Variants in ZFAT observed in about 807,000 individuals in gnomAD.
The protein encoded by ZFAT is zinc finger and AT-hook domain containing, also known as zinc finger protein ZFAT.
ZFAT carries 64 observed loss-of-function variants against 117.7 expected under a neutral mutation model. That is an observed-to-expected ratio of 0.54 (90% CI 0.44 to 0.67). The LOEUF (loss-of-function observed/expected upper bound fraction) is 0.67, where lower values mean the gene tolerates loss of function less well. ZFAT is among the 30% of genes least tolerant of loss of function. The pLI is 0.00. For synonymous variants in ZFAT, 679 were observed against 615.0 expected, an observed-to-expected ratio of 1.10 and a Z score of -1.54; for missense variants, 1,433 against 1,584.5, an observed-to-expected ratio of 0.90 and a Z score of 1.62.
chr8:134,499,721 T>G (rs1818820938), intron 15 of ZFAT, among the ~76,000 whole-genome samples: 1 of 152,260 alleles, frequency 6.6e-6, no homozygotes, highest in Non-Finnish European at 1.5e-5. Flanking sequence ...AGCCCCCTGA[T>G]GCTGACACTG....
chr8:134,510,543 T>G (rs987812824), intron 14 of ZFAT, among the ~76,000 whole-genome samples: 1 of 152,148 alleles, frequency 6.6e-6, no homozygotes, highest in Non-Finnish European at 1.5e-5. Context: ...ACGTGTCTCA[T>G]GCAGAAGGTA....
At chr8:134,533,764 G>A (rs1047042903) in intron 11 of ZFAT, among the ~76,000 whole-genome samples, 4 of 152,148 alleles carry the variant, frequency 2.6e-5, no homozygotes, top group Admixed American at 6.5e-5. Flanking sequence ...ACAATGCTTC[G>A]GAGGCTGCAT....
At chr8:134,819,061 CTA>C in the ZFAT span, among the ~76,000 whole-genome samples, 1 of 152,048 alleles carries the variant, frequency 6.6e-6, no homozygotes. Flanking sequence ...TGTATAACAA[CTA>C]TATGTCAATA....
At chr8:134,579,362 A>T (rs919167643) in intron 10 of ZFAT, among the ~76,000 whole-genome samples, 1 of 152,244 alleles carries the variant, frequency 6.6e-6, no homozygotes, top group African/African-American at 2.4e-5. Flanking sequence ...GAGGCCTCAC[A>T]ATCGTGGTGA....
chr8:134,497,643 T>G lies in ZFAT; in HGVS notation c.3492+11976A>C, dbSNP rs552052143. Among the ~76,000 whole-genome samples the G allele has an allele frequency of 1.1e-4, 5 of 47,518 alleles. 1 individual carries two copies. Among genetic ancestry groups the G allele is most frequent in the African/African-American group, 5.4e-4 (5 of 9,276 alleles). 31.2% of individuals were successfully genotyped at this position (47,518 alleles called of 152,430 possible). ...GGAGCCGTGATGCCCCTGCTGCTGG[T>G]TACACACAGAGCCTGATTTGGTAGG... On this transcript the variant is annotated intron_variant, in intron 15 of 15. Coordinates refer to ENST00000377838, the MANE Select transcript of ZFAT (RefSeq NM_020863.4).
chr8:134,610,923 C>T (rs962753949), intron 3 of ZFAT, among the ~76,000 whole-genome samples: 2 of 152,246 alleles, frequency 1.3e-5, no homozygotes, highest in African/African-American at 4.8e-5. Context: ...CTTGTCTTGT[C>T]TTGTCTTCAT....
At chr8:134,648,700 A>G (rs1831039442) in intron 2 of ZFAT, among the ~76,000 whole-genome samples, 1 of 152,138 alleles carries the variant, frequency 6.6e-6, no homozygotes. Flanking sequence ...GGTGAATTCT[A>G]CCAAATGTTT....
chr8:134,593,402 C>A (rs1361963097), intron 7 of ZFAT, among the ~76,000 whole-genome samples: 1 of 152,086 alleles, frequency 6.6e-6, no homozygotes, highest in African/African-American at 2.4e-5. Flanking sequence ...TTTTTCAAAA[C>A]CTCAGTTCCA....
intron 15 of ZFAT, among the ~76,000 whole-genome samples, chr8:134,504,475 C>T (rs1044463264): frequency 3.3e-5 from 5 of 152,142 alleles, no homozygotes; most frequent in African/African-American, 9.7e-5. Flanking sequence ...GTAGCTGGCT[C>T]GGTGAACCCA....
intron 1 of ZFAT, among the ~76,000 whole-genome samples, chr8:134,662,148 T>G (rs2131223081): frequency 6.6e-6 from 1 of 151,916 alleles, no homozygotes; most frequent in South Asian, 2.1e-4. Flanking sequence ...GCCTTCTTGC[T>G]GTGTCCTCAC....
the ZFAT span, among the ~76,000 whole-genome samples, chr8:134,819,265 T>C: frequency 7.0e-6 from 1 of 142,930 alleles, no homozygotes; most frequent in Admixed American, 7.0e-5. Context: ...AGGAAGGGGG[T>C]GAAGGAAAAA....
chr8:134,698,854 C>G (rs568225162), intron 1 of ZFAT, among the ~76,000 whole-genome samples: 49 of 152,154 alleles, frequency 3.2e-4, no homozygotes, highest in Non-Finnish European at 5.6e-4. Context: ...ACTCTTTTCC[C>G]AATTCAAGCC....
At chr8:134,613,376 C>T (rs888682126) in intron 3 of ZFAT, among the ~76,000 whole-genome samples, 6 of 152,196 alleles carry the variant, frequency 3.9e-5, no homozygotes, top group African/African-American at 1.4e-4. Flanking sequence ...CCGGACTCTG[C>T]TTTAGGCATT....
intron 1 of ZFAT, among the ~76,000 whole-genome samples, chr8:134,688,334 C>T (rs1251827223): frequency 1.3e-5 from 2 of 152,114 alleles, no homozygotes; most frequent in African/African-American, 4.8e-5. Context: ...CACATGCACC[C>T]GCAAAACGTG....
chr8:134,683,453 GA>G (rs1833164205), intron 1 of ZFAT, among the ~76,000 whole-genome samples: 1 of 152,216 alleles, frequency 6.6e-6, no homozygotes, highest in Non-Finnish European at 1.5e-5. Context: ...CACGTGTGGA[GA>G]AGGCAGAGAT....
intron 5 of ZFAT, among the ~76,000 whole-genome samples, chr8:134,604,671 A>C (rs781060024): frequency 4.6e-5 from 7 of 152,260 alleles, no homozygotes; most frequent in Non-Finnish European, 1.0e-4. Flanking sequence ...TGTAAAGTCT[A>C]TAGTTATAAA....
intron 14 of ZFAT, chr8:134,510,101 G>A (rs1369780598): frequency 6.5e-6 from 3 of 461,444 alleles, no homozygotes; most frequent in African/African-American, 2.0e-5. Flanking sequence ...GGCTGCCCTC[G>A]AAGCTGAACT....
At chr8:134,517,913 A>G (rs150159226) in intron 13 of ZFAT, among the ~76,000 whole-genome samples, 35 of 152,366 alleles carry the variant, frequency 2.3e-4, no homozygotes, top group African/African-American at 8.4e-4. Context: ...CAGGTCACAC[A>G]TGATGTCAGC....
At chr8:134,581,687 C>T (rs1484031999) in intron 10 of ZFAT, among the ~76,000 whole-genome samples, 1 of 152,142 alleles carries the variant, frequency 6.6e-6, no homozygotes, top group East Asian at 1.9e-4. Flanking sequence ...CAGTCTCAAG[C>T]AATCCTCCCA....
Sources: allele counts gnomAD v4.1 joint callset (sites outside exome capture counted in the v4.1 genomes callset), GRCh38; gene constraint gnomAD v4.1.1; transcripts MANE v1.5; gene names NCBI Gene and HGNC (gene_info 2026-07-23, HGNC 2026-07-21).